Variants in TMCO6 observed in about 807,000 individuals in gnomAD.
TMCO6 encodes the protein transmembrane and coiled-coil domain-containing protein 6.
In TMCO6, 47 loss-of-function variants were observed where a neutral mutation model predicts 61.8. The ratio of observed to expected loss-of-function variants is 0.76; its 90% CI spans 0.60 to 0.97. TMCO6 has a LOEUF of 0.97. TMCO6 is among the 50% of genes least tolerant of loss of function. The pLI, the probability that TMCO6 is intolerant of heterozygous loss-of-function variation, is 0.00. For missense variants in TMCO6, 557 were observed against 601.6 expected, an observed-to-expected ratio of 0.93 and a Z score of 0.78; for synonymous variants, 261 against 254.2, an observed-to-expected ratio of 1.03 and a Z score of -0.25.
At chr5:140,628,490 G>T in the TMCO6 span, among the ~76,000 whole-genome samples, 1 of 151,818 alleles carries the variant, frequency 6.6e-6, no homozygotes, top group East Asian at 1.9e-4. Flanking sequence ...CCAGGCTAGA[G>T]TGTAGTGGTG....
chr5:140,623,338 G>T, the TMCO6 span, among the ~76,000 whole-genome samples: 1 of 152,168 alleles, frequency 6.6e-6, no homozygotes, highest in African/African-American at 2.4e-5. Flanking sequence ...TGTAATGCAT[G>T]TCTCAATTAA....
downstream of TMCO6, chr5:140,645,725 G>A (rs1289696003): frequency 6.2e-7 from 1 of 1,613,708 alleles, no homozygotes; most frequent in Non-Finnish European, 8.5e-7. Flanking sequence ...CACCCTGGAG[G>A]CTACCAAAGT....
At chr5:140,646,954 T>G, downstream of TMCO6, 1 of 295,144 alleles carries the variant, frequency 3.4e-6, no homozygotes, top group Non-Finnish European at 6.4e-6. Flanking sequence ...TGGCTACACG[T>G]TATTTGGAGA....
At chr5:140,637,426 C>T (rs5744440), upstream of TMCO6, among the ~76,000 whole-genome samples, 1 of 152,182 alleles carries the variant, frequency 6.6e-6, no homozygotes, top group Admixed American at 6.5e-5. Context: ...TGATATCTTT[C>T]TCATTTTCAT....
chr5:140,602,010 C>T, the TMCO6 span, among the ~76,000 whole-genome samples: 43 of 152,160 alleles, frequency 2.8e-4, no homozygotes, highest in African/African-American at 1.0e-3. Context: ...GAAATAAATC[C>T]TGCTTAATTC....
At chr5:140,599,944 A>AAAATG in the TMCO6 span, among the ~76,000 whole-genome samples, 9 of 146,892 alleles carry the variant, frequency 6.1e-5, no homozygotes, top group African/African-American at 2.3e-4. Context: ...AAAATAAAAT[A>AAAATG]AAATAAAATC....
chr5:140,596,931 G>A, the TMCO6 span, among the ~76,000 whole-genome samples: 4 of 152,222 alleles, frequency 2.6e-5, no homozygotes, highest in Non-Finnish European at 1.5e-5. Flanking sequence ...GTGTGAGGGT[G>A]TTGTGTCTCA....
At chr5:140,609,816 T>G in the TMCO6 span, among the ~76,000 whole-genome samples, 2 of 152,116 alleles carry the variant, frequency 1.3e-5, no homozygotes, top group African/African-American at 2.4e-5. Context: ...CTTCTCTTCT[T>G]TTGTTATATT....
At chr5:140,628,042 C>G in the TMCO6 span, among the ~76,000 whole-genome samples, 1 of 147,166 alleles carries the variant, frequency 6.8e-6, no homozygotes, top group Non-Finnish European at 1.5e-5. Context: ...GAGTTTCACT[C>G]TTGTTGCCCA....
chr5:140,639,463 A>G lies in TMCO6; in HGVS notation c.-65A>G, dbSNP rs1440595722. The G allele has an allele frequency of 6.7e-7, 1 of 1,492,828 alleles. No individual in the cohort carries two copies. Among genetic ancestry groups the G allele is most frequent in the African/African-American group, 1.4e-5 (1 of 71,774 alleles). 92.5% of individuals were successfully genotyped at this position (1,492,828 alleles called of 1,614,324 possible). On this transcript the variant is annotated 5_prime_UTR_variant, in exon 1 of 12. Coordinates refer to ENST00000394671, the MANE Select transcript of TMCO6 (RefSeq NM_018502.5). ...GTGCTGAGGCTGCGCAGTCGGTGCCATCTTCTACGCCCCTGGGAGCGTTGT... is the reference window on the plus strand; with the variant it reads ...GTGCTGAGGCTGCGCAGTCGGTGCCGTCTTCTACGCCCCTGGGAGCGTTGT...
At chr5:140,632,015 G>T in the TMCO6 span, 2 of 1,614,196 alleles carry the variant, frequency 1.2e-6, no homozygotes, top group Non-Finnish European at 1.7e-6. This position sits in a 1 kb window ranked among gnomAD's most constrained non-coding sequence, Gnocchi z 6.2. Context: ...CCAGTGTCAG[G>T]TTATCCACCT....
At chr5:140,601,932 A>G in the TMCO6 span, among the ~76,000 whole-genome samples, 1 of 152,354 alleles carries the variant, frequency 6.6e-6, no homozygotes, top group African/African-American at 2.4e-5. Flanking sequence ...AGCGAATACA[A>G]TAAAATATGG....
At chr5:140,616,456 G>C in the TMCO6 span, among the ~76,000 whole-genome samples, 1 of 152,140 alleles carries the variant, frequency 6.6e-6, no homozygotes, top group Non-Finnish European at 1.5e-5. Context: ...TAGCTACCTA[G>C]GAGGCTGAGG....
the TMCO6 span, among the ~76,000 whole-genome samples, chr5:140,613,189 G>A: frequency 6.6e-6 from 1 of 152,066 alleles, no homozygotes; most frequent in Non-Finnish European, 1.5e-5. Context: ...AAGAGCTCGA[G>A]AGCATCCTGG....
At chr5:140,639,145 G>C, upstream of TMCO6, 1 of 199,268 alleles carries the variant, frequency 5.0e-6, no homozygotes, top group South Asian at 6.9e-5. Context: ...GTTCGGGATT[G>C]TTTTGAACTT....
the TMCO6 span, among the ~76,000 whole-genome samples, chr5:140,619,242 T>C: frequency 6.6e-6 from 1 of 152,242 alleles, no homozygotes; most frequent in African/African-American, 2.4e-5. Flanking sequence ...ATGATGTTAT[T>C]GACAGAGCAG....
intron 7 of TMCO6, 44 bp downstream of exon 7, chr5:140,643,085 T>C: frequency 6.2e-7 from 1 of 1,613,196 alleles, no homozygotes; most frequent in Non-Finnish European, 8.5e-7. Context: ...TCCCTGGGGC[T>C]CCCTTCCATG....
At chr5:140,632,118 T>G in the TMCO6 span, 1 of 1,614,218 alleles carries the variant, frequency 6.2e-7, no homozygotes, top group Non-Finnish European at 8.5e-7. This position sits in a 1 kb window ranked among gnomAD's most constrained non-coding sequence, Gnocchi z 6.2. Context: ...AGGCACCTGT[T>G]CCAGCCCAGC....
rs1561949884 is a variant in TMCO6, at chr5:140,642,338, TA to T, written c.524del (p.Asn175ThrfsTer2). ...AGGAGCTGTGTCTGTATACACTGGGTAACCTGATCGTGGAGAGTGAGGCTGT... is the reference window on the plus strand; with the variant it reads ...AGGAGCTGTGTCTGTATACACTGGGTACCTGATCGTGGAGAGTGAGGCTGT... ...FIELCLYTLGNLIVESEAVRR... is the reference protein window; with the variant it reads ...FIELCLYTLGXLIVESEAVRR... On this transcript the variant is annotated frameshift_variant, in exon 5 of 12. Coordinates refer to ENST00000394671, the MANE Select transcript of TMCO6 (RefSeq NM_018502.5). LOFTEE classifies it high-confidence loss of function. The T allele has an allele frequency of 6.2e-7, 1 of 1,613,580 alleles. No individual in the cohort carries two copies.
Sources: gnomAD v4.1 joint callset for allele counts (sites outside exome capture counted in the v4.1 genomes callset) on GRCh38, gnomAD v4.1.1 for gene constraint, Gnocchi (gnomAD v3.1) non-coding constraint, MANE v1.5 for transcripts, NCBI Gene and HGNC (gene_info 2026-07-23, HGNC 2026-07-21) for gene names.